Variants in TUSC3 observed in about 807,000 individuals in gnomAD.
The protein encoded by TUSC3 is dolichyl-diphosphooligosaccharide--protein glycosyltransferase subunit TUSC3.
In TUSC3, 45 loss-of-function variants were observed where a neutral mutation model predicts 44.8. The observed-to-expected ratio is 1.00, with a 90% CI of 0.79 to 1.29. The LOEUF (loss-of-function observed/expected upper bound fraction) is 1.29. TUSC3 is among the 50% of genes most tolerant of loss of function. The probability of loss-of-function intolerance (pLI) is 0.00; values close to 1 mark genes in which losing one functional copy is unlikely to be tolerated. For synonymous variants in TUSC3, 212 were observed against 152.9 expected (o/e 1.39, Z -2.85); for missense variants, 519 against 437.9 (o/e 1.19, Z -1.65).
chr8:15,541,435 G>A (rs1223617001), intron 1 of TUSC3, among the ~76,000 whole-genome samples: 1 of 152,186 alleles, frequency 6.6e-6, no homozygotes. Flanking sequence ...CATAATTGAA[G>A]ATAGTTTTTC....
At chr8:15,750,204 C>A (rs1027743982) in intron 9 of TUSC3, among the ~76,000 whole-genome samples, 4 of 151,938 alleles carry the variant, frequency 2.6e-5, no homozygotes, top group Non-Finnish European at 5.9e-5. Context: ...TGGTCTCGAT[C>A]TCCTGACCTC....
intron 6 of TUSC3, among the ~76,000 whole-genome samples, chr8:15,723,413 A>G (rs1810381918): frequency 6.6e-6 from 1 of 152,142 alleles, no homozygotes; most frequent in Non-Finnish European, 1.5e-5. Context: ...TTTTTAGTTG[A>G]AGCCAAATAT....
intron 2 of TUSC3, among the ~76,000 whole-genome samples, chr8:15,526,368 A>G (rs940349671): frequency 6.6e-6 from 1 of 152,164 alleles, no homozygotes; most frequent in East Asian, 1.9e-4. Context: ...CATTCTATAC[A>G]GAGGGAAACT....
intron 2 of TUSC3, among the ~76,000 whole-genome samples, chr8:15,526,207 T>A (rs1801371046): frequency 6.6e-6 from 1 of 152,098 alleles, no homozygotes; most frequent in African/African-American, 2.4e-5. Context: ...TAATTTTTTG[T>A]ATTTTTTAGT....
intron 1 of TUSC3, among the ~76,000 whole-genome samples, chr8:15,565,686 T>A (rs1425104437): frequency 6.6e-6 from 1 of 152,150 alleles, no homozygotes; most frequent in African/African-American, 2.4e-5. Flanking sequence ...ATTAAATACT[T>A]TCATGCTTGG....
intron 1 of TUSC3, among the ~76,000 whole-genome samples, chr8:15,574,802 A>G (rs973851384): frequency 6.6e-6 from 1 of 152,200 alleles, no homozygotes; most frequent in African/African-American, 2.4e-5. Context: ...TTTATGTTCA[A>G]ATGGGTTTTT....
intron 2 of TUSC3, among the ~76,000 whole-genome samples, chr8:15,485,363 T>C (rs6986292): frequency 0.011 from 1,683 of 152,278 alleles, 33 homozygotes; most frequent in African/African-American, 0.038. Context: ...TTATTGGCCA[T>C]TGACTATTTT....
intron 6 of TUSC3, among the ~76,000 whole-genome samples, chr8:15,728,525 G>A (rs1810590435): frequency 1.3e-5 from 2 of 152,042 alleles, no homozygotes; most frequent in Admixed American, 1.3e-4. Context: ...GAAAAGTAAG[G>A]ACAGAGACAC....
At chr8:15,695,081 G>A (rs1809102543) in intron 6 of TUSC3, among the ~76,000 whole-genome samples, 1 of 152,210 alleles carries the variant, frequency 6.6e-6, no homozygotes, top group Non-Finnish European at 1.5e-5. Context: ...CGCAGCGTTT[G>A]CGGAGAGGCC....
At chr8:15,666,149 C>A (rs556428217) in intron 5 of TUSC3, among the ~76,000 whole-genome samples, 1 of 151,524 alleles carries the variant, frequency 6.6e-6, no homozygotes, top group Non-Finnish European at 1.5e-5. Flanking sequence ...TGTTTTGTAG[C>A]ACATAATGAA....
intron 9 of TUSC3, among the ~76,000 whole-genome samples, chr8:15,756,063 G>C (rs2129222346): frequency 6.6e-6 from 1 of 152,242 alleles, no homozygotes; most frequent in African/African-American, 2.4e-5. Flanking sequence ...CTCTGTCTTA[G>C]GGAGGTCGTA....
At chr8:15,494,468 C>T (rs1487217438) in intron 2 of TUSC3, among the ~76,000 whole-genome samples, 4 of 152,038 alleles carry the variant, frequency 2.6e-5, no homozygotes, top group Non-Finnish European at 5.9e-5. Flanking sequence ...CAGGCGCATG[C>T]CACCATGCCC....
At chr8:15,576,465 C>G in intron 1 of TUSC3, among the ~76,000 whole-genome samples, 1 of 117,600 alleles carries the variant, frequency 8.5e-6, no homozygotes, top group Non-Finnish European at 1.7e-5. Context: ...CCCCCCCTCC[C>G]CCCACCCCAC....
intron 7 of TUSC3, 146 bp from the exon 8 acceptor site, chr8:15,743,392 A>C: frequency 2.4e-6 from 2 of 819,306 alleles, no homozygotes; most frequent in Non-Finnish European, 4.0e-6. Context: ...AAGAATGGTA[A>C]TTTTATGTTA....
chr8:15,451,010 C>G (rs934401109), intron 1 of TUSC3, among the ~76,000 whole-genome samples: 20 of 152,216 alleles, frequency 1.3e-4, no homozygotes, highest in African/African-American at 4.8e-4. Flanking sequence ...AGAACTGCAG[C>G]TTCCAGAAAG....
At chr8:15,778,636 GTA>G in the TUSC3 span, among the ~76,000 whole-genome samples, 261 of 152,220 alleles carry the variant, frequency 1.7e-3, no homozygotes, top group African/African-American at 6.1e-3. Context: ...GATTCTTTAT[GTA>G]TCACTTAGAA....
intron 2 of TUSC3, among the ~76,000 whole-genome samples, chr8:15,498,935 C>T (rs960808330): frequency 6.6e-6 from 1 of 152,256 alleles, no homozygotes; most frequent in South Asian, 2.1e-4. Flanking sequence ...GGATTGAATT[C>T]TCAACTGATA....
chr8:15,730,236 TAA>T (rs1402910107), intron 6 of TUSC3, among the ~76,000 whole-genome samples: 8 of 152,168 alleles, frequency 5.3e-5, no homozygotes, highest in Non-Finnish European at 1.2e-4. Context: ...TGTGCATTTA[TAA>T]AGCTGACTCC....
At chr8:15,686,273 A>T (rs963111832) in intron 6 of TUSC3, among the ~76,000 whole-genome samples, 1 of 152,190 alleles carries the variant, frequency 6.6e-6, no homozygotes, top group African/African-American at 2.4e-5. Context: ...GCTTATGCGT[A>T]GGCTGTAACT....
Sources: gnomAD v4.1 joint callset for allele counts (sites outside exome capture counted in the v4.1 genomes callset) on GRCh38, gnomAD v4.1.1 for gene constraint, MANE v1.5 for transcripts, NCBI Gene and HGNC (gene_info 2026-07-23, HGNC 2026-07-21) for gene names.